ATP8A2: variants seen among roughly 807,000 people sequenced by gnomAD.
ATP8A2 encodes the protein phospholipid-transporting ATPase IB.
Under a neutral mutation model 165.6 loss-of-function variants are expected in ATP8A2, and 100 were observed. The observed-to-expected ratio is 0.60, with a 90% CI of 0.51 to 0.71. ATP8A2 has a LOEUF of 0.71. ATP8A2 is among the 30% of genes least tolerant of loss of function. The pLI, the probability that ATP8A2 is intolerant of heterozygous loss-of-function variation, is 0.00. For synonymous variants in ATP8A2, 543 were observed against 548.8 expected (o/e 0.99, Z 0.15); for missense variants, 1,227 against 1,479.5 (o/e 0.83, Z 2.80).
At chr13:25,814,411 A>G (rs796510006) in intron 27 of ATP8A2, among the ~76,000 whole-genome samples, 40 of 152,254 alleles carry the variant, frequency 2.6e-4, no homozygotes, top group African/African-American at 9.4e-4. Context: ...ATGGAAGCCC[A>G]GTGGATCCCC....
intron 1 of ATP8A2, among the ~76,000 whole-genome samples, chr13:25,385,041 G>A (rs1200912043): frequency 2.0e-5 from 3 of 152,324 alleles, no homozygotes; most frequent in South Asian, 2.1e-4. Context: ...AAACAGTGGG[G>A]AAGCCGTCTC....
intron 6 of ATP8A2, among the ~76,000 whole-genome samples, chr13:25,534,857 G>C (rs981836273): frequency 5.9e-5 from 9 of 152,182 alleles, no homozygotes; most frequent in African/African-American, 1.7e-4. Context: ...CCACTCCCAG[G>C]CTATCTGATT....
At chr13:25,461,992 T>A (rs1175447238) in intron 1 of ATP8A2, among the ~76,000 whole-genome samples, 1 of 152,188 alleles carries the variant, frequency 6.6e-6, no homozygotes, top group East Asian at 1.9e-4. Context: ...TCGATTTCTA[T>A]TTTGCAGATA....
At chr13:25,523,687 G>T (rs963984756) in intron 2 of ATP8A2, among the ~76,000 whole-genome samples, 4 of 151,762 alleles carry the variant, frequency 2.6e-5, no homozygotes, top group Non-Finnish European at 4.4e-5. Flanking sequence ...GATTTTTTTT[G>T]TGTGTGTATT....
Position 25,530,585 on chromosome 13 carries a change from A to T in ATP8A2, c.345A>T (p.Thr115=). The change falls in exon 4 of 37, where the codon ACA becomes ACT. Residue 115 remains threonine (T), a synonymous_variant. Coordinates refer to ENST00000381655, the MANE Select transcript of ATP8A2 (RefSeq NM_016529.6). ...AGCAAATTCCAGATGTATCTCCAAC[A>T]GGAAGATATACCACCCTGGTGCCAT... The part of the protein sequence containing the change: ...LLQQIPDVSP[T]GRYTTLVPLI... 1 of 1,585,730 alleles carries T rather than the reference A, an allele frequency of 6.3e-7. No individual in the cohort carries two copies. Among genetic ancestry groups the T allele is most frequent in the Non-Finnish European group, 8.6e-7 (1 of 1,161,392 alleles).
chr13:25,984,107 C>T (rs552279345), intron 35 of ATP8A2, among the ~76,000 whole-genome samples: 58 of 151,994 alleles, frequency 3.8e-4, no homozygotes, highest in East Asian at 1.7e-3. Context: ...TGTGGTGGTG[C>T]GTGCATGTGG....
chr13:25,845,257 AC>A (rs1392976997), intron 30 of ATP8A2, among the ~76,000 whole-genome samples: 1 of 151,972 alleles, frequency 6.6e-6, no homozygotes. Context: ...GTCAGCCCAC[AC>A]CCGGGTTTCC....
intron 2 of ATP8A2, among the ~76,000 whole-genome samples, chr13:25,512,528 T>A (rs1383163710): frequency 7.5e-6 from 1 of 133,684 alleles, no homozygotes; most frequent in South Asian, 2.5e-4. Context: ...CCCACCTCCC[T>A]CCCGGACGGG....
chr13:25,891,814 G>C (rs1406849042), intron 33 of ATP8A2, among the ~76,000 whole-genome samples: 3 of 152,046 alleles, frequency 2.0e-5, no homozygotes, highest in Admixed American at 6.6e-5. Flanking sequence ...AGGACAAAAA[G>C]CAGGCCAAAC....
At chr13:25,412,990 G>A (rs535913340) in intron 1 of ATP8A2, among the ~76,000 whole-genome samples, 2 of 152,188 alleles carry the variant, frequency 1.3e-5, no homozygotes, top group South Asian at 4.2e-4. Context: ...GTTAATTTTT[G>A]TATTTTTAGT....
intron 35 of ATP8A2, among the ~76,000 whole-genome samples, chr13:25,998,366 A>G (rs1956560619): frequency 6.6e-6 from 1 of 152,130 alleles, no homozygotes; most frequent in Non-Finnish European, 1.5e-5. Context: ...AGAGCCTCAT[A>G]ACAGTCTCCT....
At position 25,984,171 on chromosome 13, in the gene ATP8A2, A is replaced by G. The variant is rs371533956; in HGVS notation, c.3377+15492A>G. Among the ~76,000 whole-genome samples, 21 of 152,126 alleles carry G rather than the reference A, an allele frequency of 1.4e-4. No individual in the cohort carries two copies. In the South Asian group the frequency reaches 4.4e-3, roughly 32 times the overall value. ...GGGATCGTTTGAGCCCAGGAGTTCC[A>G]GGCTGCAGTGAGCTGTGATCGCACC... is the stretch of plus-strand genomic sequence containing the variant. On this transcript the variant is annotated intron_variant, in intron 35 of 36. Transcript: ENST00000381655.
At chr13:25,463,442 T>C (rs2035557867) in intron 1 of ATP8A2, among the ~76,000 whole-genome samples, 1 of 152,058 alleles carries the variant, frequency 6.6e-6, no homozygotes, top group African/African-American at 2.4e-5. Flanking sequence ...ATTATTATAA[T>C]ATTTAATGTA....
At chr13:25,487,210 G>A (rs1271072128) in intron 2 of ATP8A2, among the ~76,000 whole-genome samples, 5 of 152,084 alleles carry the variant, frequency 3.3e-5, no homozygotes, top group African/African-American at 7.2e-5. Context: ...TCCAGTTCTC[G>A]TTCGTGGCAT....
intron 2 of ATP8A2, among the ~76,000 whole-genome samples, chr13:25,481,850 C>T (rs1013088960): frequency 2.6e-5 from 4 of 152,108 alleles, no homozygotes; most frequent in Admixed American, 1.3e-4. Flanking sequence ...CTCTCTGTCT[C>T]TAATAAGGGC....
intron 27 of ATP8A2, 93 bp downstream of exon 27, chr13:25,775,052 A>G: frequency 1.4e-6 from 1 of 721,450 alleles, no homozygotes; most frequent in Non-Finnish European, 2.3e-6. Flanking sequence ...GATTTTGTTC[A>G]TGTAAAATTA....
At chr13:25,927,610 C>T (rs1202075730) in intron 33 of ATP8A2, among the ~76,000 whole-genome samples, 1 of 152,206 alleles carries the variant, frequency 6.6e-6, no homozygotes, top group Non-Finnish European at 1.5e-5. Context: ...CTTATCAAAG[C>T]CACTCACTGG....
chr13:25,572,101 T>C (rs2039482580), intron 18 of ATP8A2, among the ~76,000 whole-genome samples: 1 of 150,314 alleles, frequency 6.7e-6, no homozygotes, highest in South Asian at 2.1e-4. Context: ...TCTCTTCAGC[T>C]GGGAGAGGAG....
intron 1 of ATP8A2, among the ~76,000 whole-genome samples, chr13:25,413,550 A>AT (rs1273138867): frequency 2.0e-5 from 3 of 151,906 alleles, no homozygotes; most frequent in South Asian, 4.2e-4. Context: ...CCAAAGTGTT[A>AT]TTTTTCCAAA....
Sources: gnomAD v4.1 joint callset for allele counts (sites outside exome capture counted in the v4.1 genomes callset) on GRCh38, gnomAD v4.1.1 for gene constraint, MANE v1.5 for transcripts, NCBI Gene and HGNC (gene_info 2026-07-23, HGNC 2026-07-21) for gene names.